Variants in ABL2 observed in about 807,000 individuals in gnomAD.
ABL2 encodes the protein tyrosine-protein kinase ABL2.
In ABL2, 49 loss-of-function variants were observed where a neutral mutation model predicts 107.7. The ratio of observed to expected loss-of-function variants is 0.45; its 90% confidence interval spans 0.36 to 0.58. ABL2 has a LOEUF of 0.58. Among genes scored for constraint, ABL2 ranks in the 20% least tolerant of loss-of-function variants. The probability of loss-of-function intolerance (pLI) is 0.00; values close to 1 mark genes in which losing one functional copy is unlikely to be tolerated. For synonymous variants in ABL2, 549 were observed against 548.6 expected (o/e 1.00, Z -0.01); for missense variants, 1,245 against 1,457.0 (o/e 0.85, Z 2.37).
At chr1:179,166,217 A>G (rs1659370582) in intron 1 of ABL2, among the ~76,000 whole-genome samples, 1 of 152,186 alleles carries the variant, frequency 6.6e-6, no homozygotes, top group African/African-American at 2.4e-5. Flanking sequence ...TCAAAAACAC[A>G]GATAGCAAAA....
chr1:179,136,129 G>A (rs1275675066), intron 1 of ABL2, among the ~76,000 whole-genome samples: 4 of 151,556 alleles, frequency 2.6e-5, no homozygotes, highest in African/African-American at 9.7e-5. Context: ...CGTCCGGGAG[G>A]TGAGGGGCGC....
At chr1:179,183,849 T>G (rs1660527529) in intron 1 of ABL2, 1 of 192,228 alleles carries the variant, frequency 5.2e-6, no homozygotes. Flanking sequence ...GCATGGCCCC[T>G]AAATGCTAGT....
In ABL2 at chr1:179,170,265, A is replaced by G. The variant is rs553645912; in HGVS notation, c.158-36891T>C. 2.0e-5 allele frequency among the ~76,000 whole-genome samples: 3 copies of G among 152,304 alleles called. No individual in the cohort carries two copies. The East Asian group carries it at 5.8e-4, about 29-fold the overall frequency. ...ATCCATTCATGAGGGTGGAGCCCTCATGACCTAATTACCTCTTAAAAAGAT... is the reference window on the plus strand; with the variant it reads ...ATCCATTCATGAGGGTGGAGCCCTCGTGACCTAATTACCTCTTAAAAAGAT... On this transcript the variant is annotated intron_variant, in intron 1 of 11. Coordinates refer to ENST00000502732, the MANE Select transcript of ABL2 (RefSeq NM_007314.4).
intron 1 of ABL2, among the ~76,000 whole-genome samples, chr1:179,172,028 C>T (rs529829408): frequency 6.6e-6 from 1 of 152,290 alleles, no homozygotes; most frequent in South Asian, 2.1e-4. Context: ...CAAATAAATA[C>T]ATCTGTCCTT....
intron 1 of ABL2, among the ~76,000 whole-genome samples, chr1:179,165,835 G>T: frequency 6.6e-6 from 1 of 150,580 alleles, no homozygotes. Flanking sequence ...CGCTCTTGTT[G>T]CCCAGGCTGG....
chr1:179,140,762 A>G (rs959023788), intron 1 of ABL2, among the ~76,000 whole-genome samples: 4 of 152,388 alleles, frequency 2.6e-5, no homozygotes, highest in African/African-American at 9.6e-5. Flanking sequence ...GGCCAGGCAC[A>G]GTAGCTCATG....
Position 179,109,226 on chromosome 1 carries a change from T to C in ABL2, c.2041A>G (p.Lys681Glu), listed in dbSNP as rs1429493448. ...AAGTTACCCGTGAGTTCGTATTTCTTATGGGGCTGATTCTCCATTTCTCGG... is the reference window on the plus strand; with the variant it reads ...AAGTTACCCGTGAGTTCGTATTTCTCATGGGGCTGATTCTCCATTTCTCGG... ...SFREMENQPH[K>E]KYELTGNFSS... Residue 681 changes from lysine to glutamate, a missense_variant, in exon 12 of 12, where the codon AAG becomes GAG. By Grantham distance (56) the Lys-to-Glu change is moderately conservative (BLOSUM62 1). This residue lies in a region of ABL2 where 761 missense variants were observed against 766.4 expected (regional missense o/e 0.99). Coordinates refer to ENST00000502732, the MANE Select transcript of ABL2 (RefSeq NM_007314.4). The C allele has an allele frequency of 6.2e-7, 1 of 1,614,056 alleles. No homozygotes were observed. The highest frequency in any genetic ancestry group is 1.3e-5 in the African/African-American group (1 of 75,002).
intron 1 of ABL2, among the ~76,000 whole-genome samples, chr1:179,153,422 A>C (rs2102735713): frequency 6.6e-6 from 1 of 152,158 alleles, no homozygotes; most frequent in Non-Finnish European, 1.5e-5. Flanking sequence ...GGACAAAATA[A>C]AGGTGTCAGC....
intron 1 of ABL2, among the ~76,000 whole-genome samples, chr1:179,140,701 G>A (rs566910200): frequency 7.2e-5 from 11 of 152,198 alleles, no homozygotes; most frequent in Non-Finnish European, 1.5e-5. Context: ...TCTAGAGTCT[G>A]GCAAGGTTTC....
At position 179,229,412 on chromosome 1, in the gene ABL2, A is replaced by G; in HGVS notation, c.-15T>C. The G allele has an allele frequency of 6.9e-7, 1 of 1,452,116 alleles. No individual in the cohort carries two copies. The highest frequency in any genetic ancestry group is 1.5e-5 in the South Asian group (1 of 67,040). The allele number at this position is 1,452,116 out of a possible 1,614,324, so 90.0% of individuals were successfully genotyped here. ...TGCTGCCCCATCCCTGCTCTCGCGT[A>G]CTCCCGCGCCCCCGCCGACCCCTGG... On this transcript the variant is annotated 5_prime_UTR_variant, in exon 1 of 12. Transcript: ENST00000502732.
At chr1:179,229,173 A>AACCCCCCCCCCCCCCCCCCCCCC in intron 1 of ABL2, 68 bp downstream of exon 1, 1 of 223,208 alleles carries the variant, frequency 4.5e-6, no homozygotes, top group Non-Finnish European at 7.2e-6. Flanking sequence ...CCCGTCCGCC[A>AACCCCCCCCCCCCCCCCCCCCCC]CCCACCCCGC....
At position 179,108,750 on chromosome 1, in the gene ABL2, T is replaced by G. The variant is rs1255707991; in HGVS notation, c.2517A>C (p.Glu839Asp). 1 of 1,614,152 alleles carries G rather than the reference T, an allele frequency of 6.2e-7. No homozygotes were observed. The highest frequency in any genetic ancestry group is 8.5e-7 in the Non-Finnish European group (1 of 1,180,012). ...ANDMLPKKSE[E>D]SAAPSRERPK... ...GTCTCTCCCTGCTTGGAGCAGCACT[T>G]TCCTCTGATTTTTTTGGAAGCATGT... Residue 839 changes from glutamate (E) to aspartate (D), a missense_variant, in exon 12 of 12, where the codon GAA becomes GAC. By Grantham distance (45) the Glu-to-Asp change is conservative. This residue lies in a region of ABL2 where 761 missense variants were observed against 766.4 expected (regional missense o/e 0.99). Transcript: ENST00000502732.
intron 1 of ABL2, among the ~76,000 whole-genome samples, chr1:179,187,978 T>G (rs1660770072): frequency 6.6e-6 from 1 of 152,142 alleles, no homozygotes; most frequent in South Asian, 2.1e-4. Flanking sequence ...GCAATCCCCA[T>G]CACTACTCCC....
At chr1:179,143,224 G>T in intron 1 of ABL2, 1 of 791,412 alleles carries the variant, frequency 1.3e-6, no homozygotes, top group Non-Finnish European at 1.8e-6. Context: ...GTGACCTAAA[G>T]GAAAATTTCC....
Position 179,108,825 on chromosome 1 carries a change from C to T in ABL2, c.2442G>A (p.Arg814=). ...NCQRSKLQLE[R]TVSTSSQPEE... ...CTGGCTGAGAAGAGGTGGACACTGT[C>T]CTTTCCAGCTGGAGTTTGGACCTCT... The change falls in exon 12 of 12, where the codon AGG becomes AGA. Residue 814 remains arginine (R), a synonymous_variant. Transcript: ENST00000502732. 2 of 1,614,188 alleles carry T rather than the reference C, an allele frequency of 1.2e-6. No homozygotes were observed. Among genetic ancestry groups the T allele is most frequent in the Non-Finnish European group, 1.7e-6 (2 of 1,180,040 alleles).
chr1:179,121,652 C>T lies in ABL2; in HGVS notation c.903G>A (p.Glu301=). The T allele has an allele frequency of 6.2e-7, 1 of 1,614,198 alleles. No individual in the cohort carries two copies. Among genetic ancestry groups the T allele is most frequent in the Non-Finnish European group, 8.5e-7 (1 of 1,180,038 alleles). Reference sequence around the variant, plus strand: ...ATTTCTTCCAGACGCCAACGTAAACCTCTCCATACTGACCGCCCCCAAGTT... The same window carrying T: ...ATTTCTTCCAGACGCCAACGTAAACTTCTCCATACTGACCGCCCCCAAGTT... ...KHKLGGGQYG[E]VYVGVWKKYS... The change falls in exon 5 of 12, where the codon GAG becomes GAA. Residue 301 remains glutamate (E), a synonymous_variant. Coordinates refer to ENST00000502732, the MANE Select transcript of ABL2 (RefSeq NM_007314.4).
intron 1 of ABL2, among the ~76,000 whole-genome samples, chr1:179,206,425 CT>C (rs1377271905): frequency 2.6e-5 from 4 of 151,176 alleles, no homozygotes; most frequent in African/African-American, 4.9e-5. Context: ...TACTAGGACA[CT>C]GTTTACAACA....
chr1:179,111,749 A>C (rs1418731567), intron 10 of ABL2, among the ~76,000 whole-genome samples: 3 of 152,118 alleles, frequency 2.0e-5, no homozygotes, highest in African/African-American at 7.2e-5. Flanking sequence ...TTCCATGTCA[A>C]TATATCCAAG....
chr1:179,120,150 A>G lies in ABL2; in HGVS notation c.1045+40T>C, dbSNP rs778136540. On this transcript the variant is annotated intron_variant, in intron 6 of 11. Coordinates refer to ENST00000502732, the MANE Select transcript of ABL2 (RefSeq NM_007314.4). ...GATAACAAGGGGTTAAAGGGCAAGC[A>G]TTTTTGGAGGAAATCTATGGTTCAG... The G allele has an allele frequency of 1.3e-5, 18 of 1,401,606 alleles. No individual in the cohort carries two copies. In the South Asian group the frequency reaches 2.1e-4, roughly 16 times the overall value. 86.8% of individuals were successfully genotyped at this position (1,401,606 alleles called of 1,614,324 possible).
Sources: gnomAD v4.1 joint callset for allele counts (sites outside exome capture counted in the v4.1 genomes callset) on GRCh38, gnomAD v4.1.1 for gene constraint, gnomAD v4.1.1 regional missense constraint, MANE v1.5 for transcripts, NCBI Gene and HGNC (gene_info 2026-07-23, HGNC 2026-07-21) for gene names.